The following DCC variants were observed in gnomAD, a reference collection of about 807,000 sequenced individuals.
DCC encodes DCC netrin 1 receptor.
In DCC, 58 loss-of-function variants were observed where a neutral mutation model predicts 172.5. The observed-to-expected ratio is 0.34, with a 90% CI of 0.27 to 0.42. The LOEUF (loss-of-function observed/expected upper bound fraction) is 0.42, where lower values mean the gene tolerates loss of function less well. Ranked by LOEUF, DCC falls within the 10% of genes least tolerant of loss-of-function variation. The pLI is 1.00. For missense variants in DCC, 1,740 were observed against 1,791.0 expected, an observed-to-expected ratio of 0.97 and a Z score of 0.51; for synonymous variants, 709 against 644.5, an observed-to-expected ratio of 1.10 and a Z score of -1.52.
chr18:52,913,204 A>G (rs112640538), intron 3 of DCC, among the ~76,000 whole-genome samples: 1,704 of 152,186 alleles, frequency 0.011, 23 homozygotes, highest in African/African-American at 0.037. Context: ...TCATTTAACC[A>G]ATGTGCAATA....
intron 1 of DCC, among the ~76,000 whole-genome samples, chr18:52,373,443 G>T (rs1598871454): frequency 6.6e-6 from 1 of 152,132 alleles, no homozygotes; most frequent in Non-Finnish European, 1.5e-5. Flanking sequence ...AACTATAGAT[G>T]TGACTATATT....
chr18:52,567,271 T>G (rs1477298807), intron 1 of DCC, among the ~76,000 whole-genome samples: 2 of 152,148 alleles, frequency 1.3e-5, no homozygotes, highest in African/African-American at 4.8e-5. Flanking sequence ...GTTGATAAAT[T>G]TATTAAATTA....
At chr18:53,358,348 G>A (rs191399299) in intron 15 of DCC, among the ~76,000 whole-genome samples, 6 of 151,804 alleles carry the variant, frequency 4.0e-5, no homozygotes, top group Admixed American at 3.3e-4. Context: ...TTTCCATATG[G>A]CAGGCAGTTG....
chr18:52,773,310 G>A (rs905234988), intron 2 of DCC, among the ~76,000 whole-genome samples: 3 of 152,024 alleles, frequency 2.0e-5, no homozygotes, highest in African/African-American at 7.3e-5. Flanking sequence ...CAACAATTTT[G>A]TTATCTGAAC....
intron 15 of DCC, among the ~76,000 whole-genome samples, chr18:53,340,677 A>G (rs922825862): frequency 1.3e-5 from 2 of 152,224 alleles, no homozygotes; most frequent in Admixed American, 6.5e-5. Flanking sequence ...AGGAGTTTGT[A>G]TTATTAACAC....
chr18:53,049,723 T>C (rs1415494592), intron 5 of DCC, among the ~76,000 whole-genome samples: 2 of 152,082 alleles, frequency 1.3e-5, no homozygotes, highest in African/African-American at 2.4e-5. Flanking sequence ...TTTCTAAGTC[T>C]GTGAAAAATA....
chr18:53,366,584 G>A (rs1312201890), intron 15 of DCC, among the ~76,000 whole-genome samples: 1 of 152,118 alleles, frequency 6.6e-6, no homozygotes, highest in Non-Finnish European at 1.5e-5. Context: ...CAGTTTTCAG[G>A]TTCTGAAACA....
chr18:53,255,695 C>T (rs1458659665), intron 12 of DCC, among the ~76,000 whole-genome samples: 2 of 152,002 alleles, frequency 1.3e-5, no homozygotes, highest in Non-Finnish European at 2.9e-5. Context: ...GTCTTTATAG[C>T]AGCATGTTTT....
At chr18:53,003,697 G>A in intron 5 of DCC, among the ~76,000 whole-genome samples, 1 of 151,644 alleles carries the variant, frequency 6.6e-6, no homozygotes, top group Admixed American at 6.6e-5. Context: ...AGGAAAAGGA[G>A]ACTTTTCCTC....
chr18:52,866,231 T>G (rs1463317811), intron 2 of DCC, among the ~76,000 whole-genome samples: 1 of 152,200 alleles, frequency 6.6e-6, no homozygotes, highest in Non-Finnish European at 1.5e-5. Flanking sequence ...CTGAGGCCAG[T>G]GTTCTGTTCC....
intron 15 of DCC, among the ~76,000 whole-genome samples, chr18:53,369,149 T>C (rs1350258003): frequency 1.3e-5 from 2 of 151,968 alleles, no homozygotes; most frequent in Non-Finnish European, 2.9e-5. Context: ...AAGTCTTTTA[T>C]CTCCTTGGCT....
At chr18:53,074,829 T>G (rs2042703750) in intron 7 of DCC, among the ~76,000 whole-genome samples, 1 of 152,150 alleles carries the variant, frequency 6.6e-6, no homozygotes, top group Non-Finnish European at 1.5e-5. Flanking sequence ...AAAAATGTAT[T>G]GGAATATAGT....
intron 1 of DCC, among the ~76,000 whole-genome samples, chr18:52,640,735 A>C (rs1415747640): frequency 4.6e-5 from 7 of 152,208 alleles, no homozygotes. Context: ...AAATGGAAAC[A>C]CATCAAATGT....
intron 9 of DCC, among the ~76,000 whole-genome samples, chr18:53,191,809 T>C (rs950885266): frequency 3.9e-5 from 6 of 152,230 alleles, no homozygotes; most frequent in African/African-American, 1.2e-4. Context: ...GTCATTTTTT[T>C]TTTCCTGTTG....
At chr18:52,399,134 A>G (rs1280657931) in intron 1 of DCC, among the ~76,000 whole-genome samples, 1 of 151,980 alleles carries the variant, frequency 6.6e-6, no homozygotes. Context: ...TGACAAAAAC[A>G]AGCATCTTTC....
At chr18:52,476,882 A>G (rs143656183) in intron 1 of DCC, among the ~76,000 whole-genome samples, 28 of 152,304 alleles carry the variant, frequency 1.8e-4, no homozygotes, top group African/African-American at 6.5e-4. Flanking sequence ...TAGGAGAGTA[A>G]GCTGAAAGTG....
intron 5 of DCC, among the ~76,000 whole-genome samples, chr18:53,043,119 A>T (rs997519898): frequency 1.9e-4 from 29 of 152,050 alleles, no homozygotes; most frequent in Non-Finnish European, 8.8e-5. Flanking sequence ...CATATACACC[A>T]TGGAATACTA....
chr18:52,711,270 C>T (rs1218660362), intron 1 of DCC, among the ~76,000 whole-genome samples: 1 of 151,960 alleles, frequency 6.6e-6, no homozygotes, highest in Non-Finnish European at 1.5e-5. Context: ...TCTTGTTGCC[C>T]AGGCTGGAGT....
intron 20 of DCC, among the ~76,000 whole-genome samples, chr18:53,411,676 T>C (rs2145057263): frequency 6.6e-6 from 1 of 152,268 alleles, no homozygotes; most frequent in Middle Eastern, 3.4e-3. Context: ...AGCTGGGTTT[T>C]GGTAGCAGCT....
Sources: gnomAD v4.1 joint callset for allele counts (sites outside exome capture counted in the v4.1 genomes callset) on GRCh38, gnomAD v4.1.1 for gene constraint, MANE v1.5 for transcripts, NCBI Gene and HGNC (gene_info 2026-07-23, HGNC 2026-07-21) for gene names.